Variants in TMED3 observed in about 807,000 individuals in gnomAD.
The protein encoded by TMED3 is transmembrane emp24 domain-containing protein 3.
In TMED3, 9 loss-of-function variants were observed where a neutral mutation model predicts 15.0. The ratio of observed to expected loss-of-function variants is 0.60; its 90% CI spans 0.36 to 1.04. TMED3 has a LOEUF of 1.04. TMED3 is among the 50% of genes least tolerant of loss of function. The probability of loss-of-function intolerance (pLI) is 0.01; values close to 1 mark genes in which losing one functional copy is unlikely to be tolerated. For synonymous variants in TMED3, 117 were observed against 121.4 expected, an observed-to-expected ratio of 0.96 and a Z score of 0.24; for missense variants, 267 against 278.9, an observed-to-expected ratio of 0.96 and a Z score of 0.30.
At chr15:79,411,413 C>A in exon 3 of TMED3, 1 of 702,484 alleles carries the variant, frequency 1.4e-6, no homozygotes, top group Middle Eastern at 2.3e-4. Flanking sequence ...TTCAGAGGAG[C>A]TTATTGGAAG....
chr15:79,395,601 A>G (rs1295254857), intron 2 of TMED3, among the ~76,000 whole-genome samples: 2 of 152,198 alleles, frequency 1.3e-5, no homozygotes, highest in Non-Finnish European at 2.9e-5. Context: ...TGAGATACTT[A>G]TGCTATTTTT....
intron 2 of TMED3, among the ~76,000 whole-genome samples, chr15:79,380,513 A>T (rs985420715): frequency 4.1e-5 from 6 of 147,240 alleles, no homozygotes; most frequent in Non-Finnish European, 8.9e-5. Context: ...TTATATATAT[A>T]GTTATATATA....
At chr15:79,338,761 C>T (rs1433773276) in intron 2 of TMED3, among the ~76,000 whole-genome samples, 3 of 152,202 alleles carry the variant, frequency 2.0e-5, no homozygotes, top group Non-Finnish European at 4.4e-5. Context: ...TGCGAGCCTT[C>T]TGTTATGCCC....
chr15:79,352,664 G>A (rs1269582038), intron 2 of TMED3, among the ~76,000 whole-genome samples: 9 of 122,650 alleles, frequency 7.3e-5, no homozygotes, highest in Admixed American at 8.9e-5. Context: ...CATTAACTAA[G>A]AAAAAAAAAA....
chr15:79,369,135 T>A (rs1893291680), intron 2 of TMED3, among the ~76,000 whole-genome samples: 1 of 151,372 alleles, frequency 6.6e-6, no homozygotes, highest in Non-Finnish European at 1.5e-5. Context: ...GCCTTTTACC[T>A]CTTCTTCACC....
At chr15:79,393,637 G>A (rs375187099) in intron 2 of TMED3, among the ~76,000 whole-genome samples, 17 of 152,306 alleles carry the variant, frequency 1.1e-4, no homozygotes, top group African/African-American at 3.9e-4. Context: ...GCAATAGTCA[G>A]CAAATGATAA....
At chr15:79,382,879 A>G in intron 2 of TMED3, 1 of 1,240,382 alleles carries the variant, frequency 8.1e-7, no homozygotes, top group South Asian at 1.3e-5. Flanking sequence ...GGTATCTCAT[A>G]CTATTGTTCT....
At chr15:79,327,311 C>T (rs894359930), downstream of TMED3, among the ~76,000 whole-genome samples, 8 of 152,150 alleles carry the variant, frequency 5.3e-5, no homozygotes, top group African/African-American at 1.9e-4. Context: ...CTGCCAATGC[C>T]TTAATCTTGG....
intron 2 of TMED3, among the ~76,000 whole-genome samples, chr15:79,343,755 A>AAAAG (rs1193310926): frequency 2.0e-5 from 3 of 152,190 alleles, no homozygotes; most frequent in African/African-American, 7.2e-5. Flanking sequence ...TATGAGGCAC[A>AAAAG]AAAGAAAGAA....
intron 2 of TMED3, among the ~76,000 whole-genome samples, chr15:79,334,144 C>T (rs1026137956): frequency 3.9e-5 from 6 of 152,026 alleles, no homozygotes; most frequent in African/African-American, 7.2e-5. Flanking sequence ...TGTCTTCCCC[C>T]GACATCCAGT....
intron 2 of TMED3, among the ~76,000 whole-genome samples, chr15:79,343,394 T>C (rs182198633): frequency 7.9e-5 from 12 of 152,380 alleles, no homozygotes; most frequent in African/African-American, 2.6e-4. Flanking sequence ...TCATGCAACA[T>C]GTGGCCTGTT....
intron 2 of TMED3, among the ~76,000 whole-genome samples, chr15:79,395,458 C>T (rs528841606): frequency 2.8e-4 from 43 of 152,216 alleles, no homozygotes; most frequent in Non-Finnish European, 5.3e-4. Context: ...TGGGATTACA[C>T]GCTTGAGCCA....
At chr15:79,395,670 G>A (rs1180746780) in intron 2 of TMED3, among the ~76,000 whole-genome samples, 1 of 152,114 alleles carries the variant, frequency 6.6e-6, no homozygotes, top group Non-Finnish European at 1.5e-5. Flanking sequence ...AGATTTTAAA[G>A]GGAGATGTTT....
intron 2 of TMED3, among the ~76,000 whole-genome samples, chr15:79,377,176 AT>A (rs753848685): frequency 7.9e-5 from 12 of 151,922 alleles, no homozygotes; most frequent in Non-Finnish European, 1.5e-4. Flanking sequence ...ACGTGGGCCT[AT>A]TTTCTTTTCT....
chr15:79,328,022 A>G (rs574038857), intron 2 of TMED3, among the ~76,000 whole-genome samples: 39 of 152,372 alleles, frequency 2.6e-4, no homozygotes, highest in Non-Finnish European at 3.5e-4. Context: ...TAAATGACAT[A>G]TAAGTGTTGG....
At chr15:79,367,175 T>G (rs1239309186) in intron 2 of TMED3, among the ~76,000 whole-genome samples, 2 of 152,208 alleles carry the variant, frequency 1.3e-5, no homozygotes, top group Admixed American at 1.3e-4. Flanking sequence ...GCATCTCATA[T>G]GGTGCCTAAC....
chr15:79,326,718 G>A (rs1357024584), downstream of TMED3, among the ~76,000 whole-genome samples: 2 of 152,204 alleles, frequency 1.3e-5, no homozygotes, highest in Non-Finnish European at 2.9e-5. Context: ...CAAGGTGATG[G>A]TATTAGGAGG....
intron 2 of TMED3, among the ~76,000 whole-genome samples, chr15:79,364,573 C>T (rs1373743969): frequency 1.3e-5 from 2 of 151,782 alleles, no homozygotes; most frequent in East Asian, 1.9e-4. Context: ...TGCCATGCCC[C>T]GATCCTGCAC....
intron 2 of TMED3, among the ~76,000 whole-genome samples, chr15:79,357,144 G>A (rs1028232223): frequency 2.0e-5 from 3 of 152,042 alleles, no homozygotes; most frequent in Admixed American, 6.6e-5. Flanking sequence ...TAATACTTCT[G>A]GAGAAGAGGA....
Sources: allele counts gnomAD v4.1 joint callset (sites outside exome capture counted in the v4.1 genomes callset), GRCh38; gene constraint gnomAD v4.1.1; transcripts MANE v1.5; gene names NCBI Gene and HGNC (gene_info 2026-07-23, HGNC 2026-07-21).